DPYSL3: variants seen among roughly 807,000 people sequenced by gnomAD.
DPYSL3 encodes dihydropyrimidinase-related protein 3.
DPYSL3 carries 16 observed loss-of-function variants against 66.1 expected under a neutral mutation model. That is an observed-to-expected ratio of 0.24 (90% CI 0.16 to 0.37). DPYSL3 has a LOEUF of 0.37. Ranked by LOEUF, DPYSL3 falls within the 10% of genes least tolerant of loss-of-function variation. The probability of loss-of-function intolerance (pLI) is 1.00; values close to 1 mark genes in which losing one functional copy is unlikely to be tolerated. For missense variants in DPYSL3, 738 were observed against 916.2 expected (o/e 0.81, Z 2.51); for synonymous variants, 338 against 345.1 (o/e 0.98, Z 0.23).
At chr5:147,458,011 T>G (rs1261397054) in intron 1 of DPYSL3, among the ~76,000 whole-genome samples, 2 of 152,180 alleles carry the variant, frequency 1.3e-5, no homozygotes, top group Admixed American at 6.5e-5. Flanking sequence ...GGAGTTCATA[T>G]GAAAATCATT....
intron 12 of DPYSL3, among the ~76,000 whole-genome samples, chr5:147,396,310 A>C (rs1757969690): frequency 6.6e-6 from 1 of 152,192 alleles, no homozygotes; most frequent in East Asian, 1.9e-4. Context: ...GGAGCCAGCC[A>C]GCAACTTCCA....
At chr5:147,497,189 G>A (rs1185134014) in intron 1 of DPYSL3, among the ~76,000 whole-genome samples, 1 of 142,796 alleles carries the variant, frequency 7.0e-6, no homozygotes, top group Non-Finnish European at 1.5e-5. Context: ...TCATAGGTGG[G>A]AATTGAACAA....
chr5:147,469,803 G>T (rs1027219616), intron 1 of DPYSL3, among the ~76,000 whole-genome samples: 2 of 152,172 alleles, frequency 1.3e-5, no homozygotes, highest in Admixed American at 6.5e-5. Flanking sequence ...TCTCCTCTTA[G>T]CCTCAGTATC....
chr5:147,460,975 T>C (rs1235208269), intron 1 of DPYSL3, among the ~76,000 whole-genome samples: 2 of 152,182 alleles, frequency 1.3e-5, no homozygotes, highest in Non-Finnish European at 2.9e-5. Context: ...AAAGAAATTA[T>C]TTAGGCAGAT....
rs1455106867 is a variant in DPYSL3, at chr5:147,509,675, C to A, written c.184G>T (p.Ala62Ser). The change falls in exon 1 of 14, where the codon GCG becomes TCG. Residue 62 changes from alanine to serine, a missense_variant. Ala to Ser is a moderately conservative substitution (Grantham distance 99). Transcript: ENST00000343218. This position sits in a 1 kb window ranked among gnomAD's most constrained non-coding sequence, Gnocchi z 5.3. ...CCCTGGCCGCTCCGAGGAGTCTTCG[C>A]GCCCCGCTGCCCCACGCTGAGGGCA... The part of the protein sequence containing the change: ...FDALSVGQRG[A>S]KTPRSGQGSD... 2.4e-5 allele frequency: 37 copies of A among 1,535,760 alleles called. No homozygotes were observed. The highest frequency in any genetic ancestry group is 7.3e-5 in the East Asian group (3 of 40,890).
intron 1 of DPYSL3, among the ~76,000 whole-genome samples, chr5:147,480,703 A>ATTTTTTATTAT (rs1554116785): frequency 7.0e-6 from 1 of 142,472 alleles, no homozygotes; most frequent in South Asian, 2.3e-4. Context: ...GAATATATAT[A>ATTTTTTATTAT]TATTATTATT....
intron 1 of DPYSL3, among the ~76,000 whole-genome samples, chr5:147,449,962 C>T (rs1283341842): frequency 6.6e-6 from 1 of 152,116 alleles, no homozygotes; most frequent in Non-Finnish European, 1.5e-5. Flanking sequence ...GATTTGTTGA[C>T]AGTGACAAGA....
chr5:147,407,949 T>C (rs914428768), intron 7 of DPYSL3, among the ~76,000 whole-genome samples: 1 of 152,184 alleles, frequency 6.6e-6, no homozygotes, highest in Non-Finnish European at 1.5e-5. Context: ...CATTTTTTTC[T>C]ATATGTGTTC....
chr5:147,410,829 G>C (rs931909075), intron 6 of DPYSL3, among the ~76,000 whole-genome samples: 21 of 152,146 alleles, frequency 1.4e-4, no homozygotes, highest in African/African-American at 5.1e-4. Flanking sequence ...TTCTGCTCAA[G>C]CTGAATTTAA....
chr5:147,492,556 A>T (rs1253471278), intron 1 of DPYSL3, among the ~76,000 whole-genome samples: 1 of 152,160 alleles, frequency 6.6e-6, no homozygotes, highest in African/African-American at 2.4e-5. Flanking sequence ...TATTATCATT[A>T]TAAAGTACTT....
At chr5:147,490,949 G>A (rs1753406557) in intron 1 of DPYSL3, among the ~76,000 whole-genome samples, 4 of 152,160 alleles carry the variant, frequency 2.6e-5, no homozygotes, top group African/African-American at 7.2e-5. Flanking sequence ...CAATACTGGA[G>A]AAAAATTCCC....
In DPYSL3 at chr5:147,415,883, A is replaced by G; in HGVS notation, c.656-10T>C. On this transcript the variant is annotated splice_polypyrimidine_tract_variant and intron_variant, in intron 3 of 13. Transcript: ENST00000343218. ...GGCACCACATGGTCAACTGAATGACAGAGACCCCAGATGAGTCACTCTCAG... is the reference window on the plus strand; with the variant it reads ...GGCACCACATGGTCAACTGAATGACGGAGACCCCAGATGAGTCACTCTCAG... 6.2e-7 allele frequency: 1 copy of G among 1,612,622 alleles called. No homozygotes were observed. Among genetic ancestry groups the G allele is most frequent in the Non-Finnish European group, 8.5e-7 (1 of 1,179,316 alleles).
At chr5:147,430,132 G>A (rs199903364) in intron 1 of DPYSL3, among the ~76,000 whole-genome samples, 2 of 152,020 alleles carry the variant, frequency 1.3e-5, no homozygotes, top group African/African-American at 2.4e-5. Flanking sequence ...AGTAAAAAGA[G>A]AGAGAGAAAG....
At chr5:147,456,167 A>G (rs1464511511) in intron 1 of DPYSL3, among the ~76,000 whole-genome samples, 1 of 152,232 alleles carries the variant, frequency 6.6e-6, no homozygotes, top group African/African-American at 2.4e-5. Flanking sequence ...AACCAAAATA[A>G]AGCCTCTAAG....
chr5:147,499,434 T>A (rs1048182770), intron 1 of DPYSL3, among the ~76,000 whole-genome samples: 4 of 152,084 alleles, frequency 2.6e-5, no homozygotes, highest in African/African-American at 9.7e-5. Flanking sequence ...GGTATAAATC[T>A]AGAAAACCCT....
At chr5:147,396,670 G>T (rs1757983607) in intron 12 of DPYSL3, among the ~76,000 whole-genome samples, 1 of 151,954 alleles carries the variant, frequency 6.6e-6, no homozygotes, top group South Asian at 2.1e-4. Flanking sequence ...CCAAAACCAA[G>T]AACTCTACAT....
chr5:147,397,241 T>C (rs1380730541), intron 12 of DPYSL3, among the ~76,000 whole-genome samples: 1 of 150,888 alleles, frequency 6.6e-6, no homozygotes, highest in African/African-American at 2.4e-5. Context: ...AATAAAGTTT[T>C]ATTGAAAATA....
At chr5:147,480,491 C>G (rs1191055910) in intron 1 of DPYSL3, among the ~76,000 whole-genome samples, 1 of 152,122 alleles carries the variant, frequency 6.6e-6, no homozygotes, top group African/African-American at 2.4e-5. Flanking sequence ...AGTAGGGTCT[C>G]TGTTATGGTG....
chr5:147,465,953 C>T lies in DPYSL3; in HGVS notation c.382-40990G>A, dbSNP rs560798367. Among the ~76,000 whole-genome samples, 243 of 152,272 alleles carry T rather than the reference C, an allele frequency of 1.6e-3. 1 individual carries two copies. Among genetic ancestry groups the T allele is most frequent in the Non-Finnish European group, 2.8e-3 (193 of 68,024 alleles). On this transcript the variant is annotated intron_variant, in intron 1 of 13. Transcript: ENST00000343218. ...CATCCTATTATTCTTCTCAGATCTG[C>T]TTCCCAGGATACTCAGCCAACAACA... is the stretch of plus-strand genomic sequence containing the variant.
Sources: allele counts gnomAD v4.1 joint callset (sites outside exome capture counted in the v4.1 genomes callset), GRCh38; gene constraint gnomAD v4.1.1; non-coding constraint Gnocchi (gnomAD v3.1); transcripts MANE v1.5; gene names NCBI Gene and HGNC (gene_info 2026-07-23, HGNC 2026-07-21).